The following BRAF variants were observed in gnomAD, a reference collection of about 807,000 sequenced individuals.
BRAF encodes serine/threonine-protein kinase B-raf.
BRAF carries 16 observed loss-of-function variants against 104.6 expected under a neutral mutation model. The ratio of observed to expected loss-of-function variants is 0.15; its 90% CI spans 0.10 to 0.23. BRAF has a LOEUF of 0.23. Among genes scored for constraint, BRAF ranks in the 10% least tolerant of loss-of-function variants. BRAF has a pLI of 1.00. For synonymous variants in BRAF, 310 were observed against 341.6 expected (o/e 0.91, Z 1.02); for missense variants, 541 against 937.3 (o/e 0.58, Z 5.52).
Position 140,726,020 on chromosome 7 carries a change from AG to A in BRAF, c.*473del. On this transcript the variant is annotated 3_prime_UTR_variant, in exon 20 of 20. Coordinates refer to ENST00000644969, the MANE Select transcript of BRAF (RefSeq NM_001374258.1). ...CCTCAGAAACTAACTGGTGGTCACT[AG>A]GGGAAAGAGCTCCAAAACAAAATTC... is the stretch of plus-strand genomic sequence containing the variant. 1 of 1,070,148 alleles carries A rather than the reference AG, an allele frequency of 9.3e-7. No individual in the cohort carries two copies. Among genetic ancestry groups the A allele is most frequent in the Middle Eastern group, 4.2e-4 (1 of 2,406 alleles). 66.3% of individuals were successfully genotyped at this position (1,070,148 alleles called of 1,614,324 possible).
downstream of BRAF, among the ~76,000 whole-genome samples, chr7:140,718,121 G>C (rs1028552252): frequency 3.3e-5 from 5 of 152,172 alleles, no homozygotes; most frequent in Non-Finnish European, 7.3e-5. Context: ...TTGAGACAGA[G>C]TCTCGCTCTG....
chr7:140,914,685 T>C (rs1364931604), intron 1 of BRAF, among the ~76,000 whole-genome samples: 2 of 152,126 alleles, frequency 1.3e-5, no homozygotes, highest in African/African-American at 4.8e-5. Flanking sequence ...GGGATATTTT[T>C]ATGATGGGAA....
intron 17 of BRAF, among the ~76,000 whole-genome samples, chr7:140,742,501 T>C (rs886269555): frequency 8.5e-5 from 13 of 152,128 alleles, no homozygotes; most frequent in African/African-American, 3.1e-4. Context: ...GCCAACATGG[T>C]GGTTTTAAGG....
chr7:140,820,573 TC>T (rs1805369682), intron 3 of BRAF, among the ~76,000 whole-genome samples: 1 of 152,186 alleles, frequency 6.6e-6, no homozygotes, highest in Non-Finnish European at 1.5e-5. Flanking sequence ...AAAAGGTCAG[TC>T]CCTTTTTCTT....
intron 1 of BRAF, among the ~76,000 whole-genome samples, chr7:140,907,243 T>C (rs1206104699): frequency 6.6e-6 from 1 of 152,152 alleles, no homozygotes; most frequent in Non-Finnish European, 1.5e-5. Flanking sequence ...TTTTTGCAAA[T>C]CTATTAAGTT....
At position 140,746,747 on chromosome 7, in the gene BRAF, G is replaced by A. The variant is rs544913226; in HGVS notation, c.2112+2540C>T. ...CTCGGGAGGCTGAGGCAGAAGAATCGCTAACATGGGAGGCAGAGGTTGCAG... is the reference window on the plus strand; with the variant it reads ...CTCGGGAGGCTGAGGCAGAAGAATCACTAACATGGGAGGCAGAGGTTGCAG... On this transcript the variant is annotated intron_variant, in intron 17 of 19. Coordinates refer to ENST00000644969, the MANE Select transcript of BRAF (RefSeq NM_001374258.1). Among the ~76,000 whole-genome samples, 46 of 151,166 alleles carry A rather than the reference G, an allele frequency of 3.0e-4. No individual in the cohort carries two copies. In the South Asian group the frequency reaches 6.9e-3, roughly 23 times the overall value.
At chr7:140,808,695 C>G (rs1447854342) in intron 4 of BRAF, among the ~76,000 whole-genome samples, 197 bp downstream of exon 4, 1 of 151,972 alleles carries the variant, frequency 6.6e-6, no homozygotes, top group Admixed American at 6.6e-5. Flanking sequence ...AAGTAACAAA[C>G]CCTACAGTCA....
rs1795220038 is a variant in BRAF at position 140,719,486 on chromosome 7, T to G, written c.*7008A>C. 1 of 1,021,242 alleles carries G rather than the reference T, an allele frequency of 9.8e-7. No homozygotes were observed. The allele number at this position is 1,021,242 out of a possible 1,614,324, so 63.3% of individuals were successfully genotyped here. On this transcript the variant is annotated 3_prime_UTR_variant, in exon 20 of 20. Coordinates refer to ENST00000644969, the MANE Select transcript of BRAF (RefSeq NM_001374258.1). ...GAATTTCAGCTATCTTTTTTTATTC[T>G]CCATGCTTTCTATCCAAACTGAACA...
chr7:140,783,359 A>C (rs889812063), intron 10 of BRAF: 2 of 597,344 alleles, frequency 3.3e-6, no homozygotes, highest in Non-Finnish European at 5.7e-6. Context: ...TGGCCAATTT[A>C]ATGACCTTTA....
intron 19 of BRAF, chr7:140,733,815 G>A (rs544007477): frequency 3.2e-5 from 6 of 186,046 alleles, no homozygotes; most frequent in Admixed American, 1.3e-4. Context: ...GGAGAGATTG[G>A]GTGTGAAGGG....
Position 140,721,500 on chromosome 7 carries a change from G to A in BRAF, c.*4994C>T, listed in dbSNP as rs1000328459. On this transcript the variant is annotated 3_prime_UTR_variant, in exon 20 of 20. Coordinates refer to ENST00000644969, the MANE Select transcript of BRAF (RefSeq NM_001374258.1). ...TGAAAACAACAAAACAGAGCTTACT[G>A]TCTAGTGTACTAATAAAACAAACAT... is the stretch of plus-strand genomic sequence containing the variant. 3.7e-6 allele frequency: 5 copies of A among 1,358,978 alleles called. No homozygotes were observed. The highest frequency in any genetic ancestry group is 4.7e-6 in the Non-Finnish European group (5 of 1,057,414). 84.2% of individuals were successfully genotyped at this position (1,358,978 alleles called of 1,614,324 possible). A position where few individuals can be genotyped will look rare whatever the true frequency, so the allele number is the denominator to read the frequency against.
chr7:140,797,920 G>A (rs2129041276), intron 7 of BRAF, among the ~76,000 whole-genome samples: 1 of 152,210 alleles, frequency 6.6e-6, no homozygotes, highest in South Asian at 2.1e-4. Flanking sequence ...GAGCCAACGG[G>A]AATAAAATGA....
chr7:140,790,381 A>G (rs189097240), intron 8 of BRAF, among the ~76,000 whole-genome samples: 1 of 152,148 alleles, frequency 6.6e-6, no homozygotes, highest in Admixed American at 6.5e-5. Flanking sequence ...TGAAAACTGG[A>G]TATTTCAACT....
intron 1 of BRAF, among the ~76,000 whole-genome samples, chr7:140,896,151 T>C (rs2129123114): frequency 6.6e-6 from 1 of 152,282 alleles, no homozygotes; most frequent in Non-Finnish European, 1.5e-5. Flanking sequence ...TCTACAGTTT[T>C]ATAGCAGCCA....
At position 140,753,213 on chromosome 7, in the gene BRAF, G is replaced by C. The variant is rs573408357; in HGVS notation, c.1980+62C>G. 1.1e-4 allele frequency: 127 copies of C among 1,190,558 alleles called. No individual in the cohort carries two copies. In the African/African-American group the frequency reaches 1.6e-3, roughly 15 times the overall value. The allele number at this position is 1,190,558 out of a possible 1,614,324, so 73.7% of individuals were successfully genotyped here. On this transcript the variant is annotated intron_variant, in intron 16 of 19. Transcript: ENST00000644969. ...AGTTGAGACCTTCAATGACTTTCTA[G>C]TAACTCAGCAGCATCTCAGGGCCAA...
In BRAF at chr7:140,726,480, T is replaced by C; in HGVS notation, c.*14A>G. 1 of 1,536,454 alleles carries C rather than the reference T, an allele frequency of 6.5e-7. No homozygotes were observed. The highest frequency in any genetic ancestry group is 1.2e-5 in the South Asian group (1 of 84,058). On this transcript the variant is annotated 3_prime_UTR_variant, in exon 20 of 20. Transcript: ENST00000644969. The stretch of plus-strand genomic sequence containing the variant: ...AGACTTAAGAAATAAGAGCAGATGC[T>C]GCCATGATGGTGGCTACTTGAAGGC...
intron 14 of BRAF, chr7:140,758,249 C>T (rs1019688843): frequency 6.6e-6 from 1 of 152,156 alleles, no homozygotes; most frequent in Admixed American, 6.5e-5. Flanking sequence ...CAAATTACAG[C>T]CTTCCTTATA....
chr7:140,819,531 C>T (rs566386219), intron 3 of BRAF, among the ~76,000 whole-genome samples: 35 of 152,238 alleles, frequency 2.3e-4, no homozygotes, highest in Non-Finnish European at 3.8e-4. Context: ...ACCTTGAATA[C>T]GAATGTTCAC....
At chr7:140,850,039 T>G in intron 2 of BRAF, 72 bp downstream of exon 2, 1 of 1,089,512 alleles carries the variant, frequency 9.2e-7, no homozygotes, top group Non-Finnish European at 1.4e-6. Flanking sequence ...ATCAAGATTA[T>G]CAGTACAAAT....
Sources: gnomAD v4.1 joint callset for allele counts (sites outside exome capture counted in the v4.1 genomes callset) on GRCh38, gnomAD v4.1.1 for gene constraint, MANE v1.5 for transcripts, NCBI Gene and HGNC (gene_info 2026-07-23, HGNC 2026-07-21) for gene names.